The following C12orf56 variants were observed in gnomAD, a reference collection of about 807,000 sequenced individuals.
C12orf56 encodes chromosome 12 open reading frame 56.
A neutral mutation model predicts 69.9 loss-of-function variants in C12orf56; 71 were observed. That is an observed-to-expected ratio of 1.02 (90% CI 0.84 to 1.24). C12orf56 has a LOEUF of 1.24. Ranked by LOEUF, C12orf56 falls within the 50% of genes most tolerant of loss-of-function variation. The pLI is 0.00. For synonymous variants in C12orf56, 276 were observed against 274.1 expected (o/e 1.01, Z -0.07); for missense variants, 732 against 738.5 (o/e 0.99, Z 0.10).
chr12:64,370,026 G>A (rs1323385519), intron 1 of C12orf56, among the ~76,000 whole-genome samples: 1 of 150,498 alleles, frequency 6.6e-6, no homozygotes, highest in Non-Finnish European at 1.5e-5. Flanking sequence ...CCAAACTAGA[G>A]TGTTACAAAA....
chr12:64,323,955 C>T (rs1369359920), intron 3 of C12orf56, among the ~76,000 whole-genome samples: 1 of 152,164 alleles, frequency 6.6e-6, no homozygotes, highest in East Asian at 1.9e-4. Context: ...CCTAGAACTG[C>T]CCCTCCTTCA....
chr12:64,360,661 ATAAGT>A (rs746952003), intron 1 of C12orf56, among the ~76,000 whole-genome samples: 3 of 152,224 alleles, frequency 2.0e-5, no homozygotes, highest in African/African-American at 4.8e-5. Flanking sequence ...TAGGTTGAAA[ATAAGT>A]TAAGATTTCT....
chr12:64,286,993 T>G (rs974993049), intron 6 of C12orf56, among the ~76,000 whole-genome samples: 3 of 152,010 alleles, frequency 2.0e-5, no homozygotes, highest in Admixed American at 2.0e-4. Context: ...GCCCAGCACT[T>G]TGGGAGGCCG....
At position 64,390,456 on chromosome 12, in the gene C12orf56, T is replaced by A; in HGVS notation, c.110A>T (p.Glu37Val). 1 of 1,609,628 alleles carries A rather than the reference T, an allele frequency of 6.2e-7. No individual in the cohort carries two copies. Among genetic ancestry groups the A allele is most frequent in the Non-Finnish European group, 8.5e-7 (1 of 1,179,658 alleles). The change falls in exon 1 of 13, where the codon GAG becomes GTG. Residue 37 changes from glutamate to valine, a missense_variant. Coordinates refer to ENST00000543942, the MANE Select transcript of C12orf56 (RefSeq NM_001170633.2). The stretch of plus-strand genomic sequence containing the variant: ...AGAGTTGGACACCACGATGCATGGC[T>A]CGTAGGCGCGGACCGCGTCGTAGAC... ...PEVYDAVRAY[E>V]PCIVVSNSEN...
Position 64,275,369 on chromosome 12 carries a change from G to A in C12orf56, c.1438C>T (p.Gln480Ter), listed in dbSNP as rs751727751. The A allele has an allele frequency of 2.2e-6, 3 of 1,362,928 alleles. No homozygotes were observed. The South Asian group carries it at 5.0e-5, about 23-fold the overall frequency. 84.4% of individuals were successfully genotyped at this position (1,362,928 alleles called of 1,614,324 possible). A position where few individuals can be genotyped will look rare whatever the true frequency, so the allele number is the denominator to read the frequency against. The part of the protein sequence containing the change: ...LVRMSFDAEL[Q>*]KLILEYTNTA... ...TTTGTATACTCCAGAATAAGCTTCT[G>A]TAACTAGAATTTTCAAGAATAATCA... The change falls in exon 10 of 13, where the codon CAG (glutamine) becomes TAG (stop). Residue 480 changes from glutamine to a stop codon, truncating the protein, a stop_gained. Transcript: ENST00000543942. LOFTEE classifies it high-confidence loss of function.
At chr12:64,390,001 T>G (rs1309668776) in intron 1 of C12orf56, among the ~76,000 whole-genome samples, 4 of 152,150 alleles carry the variant, frequency 2.6e-5, no homozygotes, top group Admixed American at 6.5e-5. Context: ...GACTAGGTGC[T>G]TTGTTAACAA....
At chr12:64,285,919 A>G (rs1455066708) in intron 7 of C12orf56, 35 bp downstream of exon 7, 1 of 1,452,092 alleles carries the variant, frequency 6.9e-7, no homozygotes. Context: ...CCTAGCAAAA[A>G]AAAAAAAATC....
chr12:64,364,235 A>C (rs1443937832), intron 1 of C12orf56, among the ~76,000 whole-genome samples: 1 of 152,104 alleles, frequency 6.6e-6, no homozygotes, highest in African/African-American at 2.4e-5. Context: ...GTGAGCCGAG[A>C]CTGAGCTACT....
intron 2 of C12orf56, among the ~76,000 whole-genome samples, chr12:64,346,714 C>T (rs2039148016): frequency 6.6e-6 from 1 of 152,002 alleles, no homozygotes; most frequent in South Asian, 2.1e-4. Context: ...GCAACCAGCC[C>T]CATCCTGAAG....
At chr12:64,370,938 T>C (rs1244092245) in intron 1 of C12orf56, among the ~76,000 whole-genome samples, 1 of 152,148 alleles carries the variant, frequency 6.6e-6, no homozygotes, top group African/African-American at 2.4e-5. Context: ...AGTTCAAGGC[T>C]GCAGTGAGCT....
chr12:64,360,654 G>C (rs966864437), intron 1 of C12orf56, among the ~76,000 whole-genome samples: 2 of 152,148 alleles, frequency 1.3e-5, no homozygotes, highest in African/African-American at 2.4e-5. Flanking sequence ...GCTTATTTAG[G>C]TTGAAAATAA....
intron 3 of C12orf56, among the ~76,000 whole-genome samples, chr12:64,327,976 T>C (rs185396737): frequency 6.6e-6 from 1 of 152,208 alleles, no homozygotes; most frequent in East Asian, 1.9e-4. Context: ...AAGTTGGTAA[T>C]GTGTTTAGGA....
At chr12:64,316,771 T>C (rs2038696450) in intron 4 of C12orf56, among the ~76,000 whole-genome samples, 2 of 152,242 alleles carry the variant, frequency 1.3e-5, no homozygotes, top group South Asian at 4.1e-4. Flanking sequence ...ATAGGGTTGT[T>C]GTAAAAATTA....
At chr12:64,293,073 G>C (rs550909939) in intron 6 of C12orf56, among the ~76,000 whole-genome samples, 2 of 152,080 alleles carry the variant, frequency 1.3e-5, no homozygotes, top group Non-Finnish European at 1.5e-5. Context: ...TTTTTAAGCC[G>C]GTCTGAAAAG....
Position 64,318,708 on chromosome 12 carries a change from T to C in C12orf56, c.761A>G (p.Asn254Ser). The C allele has an allele frequency of 6.5e-7, 1 of 1,537,198 alleles. No homozygotes were observed. Among genetic ancestry groups the C allele is most frequent in the Non-Finnish European group, 8.7e-7 (1 of 1,146,890 alleles). Residue 254 changes from asparagine to serine, a missense_variant, in exon 4 of 13, where the codon AAT becomes AGT. By Grantham distance (46) the Asn-to-Ser change is conservative (BLOSUM62 1). Coordinates refer to ENST00000543942, the MANE Select transcript of C12orf56 (RefSeq NM_001170633.2). ...NGNGNEFYLG[N>S]SLLDSPSQSN... Reference sequence around the variant, plus strand: ...CTGTGAAGGGGAATCTAAGAGGGAATTTCCTAAGTAAAACTCATTTCCATT... The same window carrying C: ...CTGTGAAGGGGAATCTAAGAGGGAACTTCCTAAGTAAAACTCATTTCCATT...
chr12:64,377,996 T>C (rs1210565138), intron 1 of C12orf56, among the ~76,000 whole-genome samples: 1 of 152,228 alleles, frequency 6.6e-6, no homozygotes, highest in Non-Finnish European at 1.5e-5. Context: ...GCTTAAATTC[T>C]CTGTAATTCA....
intron 1 of C12orf56, among the ~76,000 whole-genome samples, chr12:64,359,985 G>A (rs1026173168): frequency 1.3e-5 from 2 of 152,074 alleles, no homozygotes; most frequent in Non-Finnish European, 2.9e-5. Context: ...AAAGTGCTGG[G>A]ATTACAGGAG....
chr12:64,298,631 A>T (rs1007635925), intron 6 of C12orf56, among the ~76,000 whole-genome samples: 2 of 152,222 alleles, frequency 1.3e-5, no homozygotes, highest in Admixed American at 1.3e-4. Flanking sequence ...CATTTATTAA[A>T]TAGGGAATCC....
chr12:64,312,170 C>A (rs1434067433), intron 5 of C12orf56, among the ~76,000 whole-genome samples: 1 of 152,162 alleles, frequency 6.6e-6, no homozygotes, highest in Non-Finnish European at 1.5e-5. Context: ...GCTGAGTTCT[C>A]TTTTAATATG....
Sources: gnomAD v4.1 joint callset for allele counts (sites outside exome capture counted in the v4.1 genomes callset) on GRCh38, gnomAD v4.1.1 for gene constraint, MANE v1.5 for transcripts, NCBI Gene and HGNC (gene_info 2026-07-23, HGNC 2026-07-21) for gene names.